SPMIP2: variants seen among roughly 807,000 people sequenced by gnomAD.
SPMIP2 encodes the protein protein SPMIP2.
the SPMIP2 span, among the ~76,000 whole-genome samples, chr4:158,969,674 A>G: frequency 6.6e-6 from 1 of 152,308 alleles, no homozygotes; most frequent in African/African-American, 2.4e-5. Flanking sequence ...CAAATAGGAG[A>G]AACCATTCCC....
the SPMIP2 span, among the ~76,000 whole-genome samples, chr4:158,953,899 C>T: frequency 6.6e-6 from 1 of 152,188 alleles, no homozygotes; most frequent in African/African-American, 2.4e-5. Flanking sequence ...ATTTGAACAG[C>T]TGTATTTACC....
the SPMIP2 span, among the ~76,000 whole-genome samples, chr4:159,055,535 G>A: frequency 1.3e-5 from 2 of 151,804 alleles, no homozygotes; most frequent in African/African-American, 4.8e-5. Flanking sequence ...GGGCAAAACC[G>A]CATCTCTCCA....
chr4:158,979,909 C>T, the SPMIP2 span, among the ~76,000 whole-genome samples: 62 of 150,720 alleles, frequency 4.1e-4, no homozygotes, highest in African/African-American at 1.2e-3. Context: ...TCTAGCTCAG[C>T]GGATCCCCTC....
the SPMIP2 span, among the ~76,000 whole-genome samples, chr4:159,013,348 C>CA: frequency 6.6e-6 from 1 of 152,184 alleles, no homozygotes; most frequent in Non-Finnish European, 1.5e-5. Flanking sequence ...GTGGTGTATA[C>CA]ATATGTATCA....
At chr4:158,960,317 C>A in the SPMIP2 span, 1 of 1,567,476 alleles carries the variant, frequency 6.4e-7, no homozygotes, top group South Asian at 1.1e-5. Flanking sequence ...GTTATTGAAT[C>A]AAGAGAAGCT....
the SPMIP2 span, among the ~76,000 whole-genome samples, chr4:158,943,405 T>G: frequency 6.6e-6 from 1 of 152,224 alleles, no homozygotes; most frequent in African/African-American, 2.4e-5. Flanking sequence ...GGCCTCTAAC[T>G]TCAAGTGGGC....
At chr4:158,900,245 A>G in the SPMIP2 span, among the ~76,000 whole-genome samples, 1 of 152,048 alleles carries the variant, frequency 6.6e-6, no homozygotes, top group East Asian at 1.9e-4. Context: ...TTTGCCGAGG[A>G]GTGTTTTACT....
chr4:158,968,400 C>T, the SPMIP2 span, among the ~76,000 whole-genome samples: 4 of 152,108 alleles, frequency 2.6e-5, no homozygotes, highest in African/African-American at 9.7e-5. Flanking sequence ...TGCTAGGAGA[C>T]AATTGATGGA....
chr4:158,962,868 A>G, the SPMIP2 span, among the ~76,000 whole-genome samples: 16 of 151,844 alleles, frequency 1.1e-4, no homozygotes, highest in Non-Finnish European at 1.9e-4. Context: ...TTGTTAAAGG[A>G]AAAAAAAAGT....
At chr4:159,020,802 C>T in the SPMIP2 span, among the ~76,000 whole-genome samples, 2 of 152,152 alleles carry the variant, frequency 1.3e-5, no homozygotes, top group African/African-American at 4.8e-5. Context: ...CACTCTGTTG[C>T]CCAGGCTGGA....
At chr4:158,908,431 T>C in the SPMIP2 span, among the ~76,000 whole-genome samples, 1 of 152,244 alleles carries the variant, frequency 6.6e-6, no homozygotes, top group Non-Finnish European at 1.5e-5. Flanking sequence ...GATTTTTGTA[T>C]ATAATGCATT....
the SPMIP2 span, among the ~76,000 whole-genome samples, chr4:159,058,152 A>G: frequency 2.7e-5 from 4 of 150,392 alleles, no homozygotes; most frequent in Non-Finnish European, 5.9e-5. Flanking sequence ...GAGCCGCTGC[A>G]CTAGGCCAGA....
the SPMIP2 span, among the ~76,000 whole-genome samples, chr4:158,922,956 T>C: frequency 6.6e-6 from 1 of 152,228 alleles, no homozygotes; most frequent in Non-Finnish European, 1.5e-5. Context: ...ATATAATAGT[T>C]TGTTTATACA....
the SPMIP2 span, among the ~76,000 whole-genome samples, chr4:158,919,651 A>T: frequency 2.6e-5 from 4 of 152,208 alleles, no homozygotes; most frequent in African/African-American, 9.7e-5. Flanking sequence ...CTTTGAAATT[A>T]TGTAAAAATT....
At chr4:159,016,377 A>G in the SPMIP2 span, among the ~76,000 whole-genome samples, 1 of 152,338 alleles carries the variant, frequency 6.6e-6, no homozygotes, top group East Asian at 1.9e-4. Context: ...AACTCCCTTT[A>G]GCCCACTTAT....
At chr4:159,070,001 G>C in the SPMIP2 span, among the ~76,000 whole-genome samples, 1 of 151,966 alleles carries the variant, frequency 6.6e-6, no homozygotes, top group South Asian at 2.1e-4. Flanking sequence ...TAAAAGAAGG[G>C]AATGACTAGT....
the SPMIP2 span, among the ~76,000 whole-genome samples, chr4:159,017,767 G>A: frequency 6.6e-6 from 1 of 152,204 alleles, no homozygotes; most frequent in Admixed American, 6.5e-5. Context: ...ACCAGTGCAG[G>A]AAAGTGATTC....
chr4:159,056,691 T>A, the SPMIP2 span, among the ~76,000 whole-genome samples: 1 of 152,130 alleles, frequency 6.6e-6, no homozygotes, highest in Non-Finnish European at 1.5e-5. Flanking sequence ...CCTATGTAGA[T>A]CTTCTATAGG....
At chr4:158,986,485 T>A in the SPMIP2 span, among the ~76,000 whole-genome samples, 46,820 of 151,740 alleles carry the variant, frequency 0.31, 7,425 homozygotes, top group Middle Eastern at 0.37. Flanking sequence ...ACACCGCATA[T>A]CTACAGCTAT....
Sources: gnomAD v4.1 joint callset for allele counts (sites outside exome capture counted in the v4.1 genomes callset) on GRCh38, gnomAD v4.1.1 for gene constraint, MANE v1.5 for transcripts, NCBI Gene and HGNC (gene_info 2026-07-23, HGNC 2026-07-21) for gene names.